Variants in GGT5 observed in about 807,000 individuals in gnomAD.
GGT5 encodes the protein gamma-glutamyltransferase 5.
GGT5 carries 50 observed loss-of-function variants against 58.1 expected under a neutral mutation model. The observed-to-expected ratio is 0.86, with a 90% CI of 0.69 to 1.09. GGT5 has a LOEUF of 1.09. GGT5 is among the 50% of genes least tolerant of loss of function. The pLI is 0.00. For synonymous variants in GGT5, 370 were observed against 346.1 expected (o/e 1.07, Z -0.77); for missense variants, 800 against 789.4 (o/e 1.01, Z -0.16).
Position 24,233,991 on chromosome 22 carries a change from G to C in GGT5, c.187C>G (p.Gln63Glu), listed in dbSNP as rs185414346. 1 of 1,610,548 alleles carries C rather than the reference G, an allele frequency of 6.2e-7. No homozygotes were observed. Among genetic ancestry groups the C allele is most frequent in the Admixed American group, 1.7e-5 (1 of 59,572 alleles). ...GTGGCATCCACGGGTGAGCCCTGCT[G>C]CTGGAGGATGGCTCTAGGGGACATG... is the stretch of plus-strand genomic sequence containing the variant. ...CSDIGRAILQ[Q>E]QGSPVDATIA... Residue 63 changes from glutamine to glutamate, a missense_variant, in exon 2 of 12, where the codon CAG (glutamine) becomes GAG (glutamate). Physicochemically the swap from Gln to Glu is conservative, Grantham distance 29. Coordinates refer to ENST00000327365, the MANE Select transcript of GGT5 (RefSeq NM_004121.5).
At position 24,226,255 on chromosome 22, in the gene GGT5, C is replaced by A; in HGVS notation, c.1050G>T (p.Arg350=). 3 of 1,600,634 alleles carry A rather than the reference C, an allele frequency of 1.9e-6. No individual in the cohort carries two copies. The South Asian group carries it at 3.3e-5, about 18-fold the overall frequency. Residue 350 remains arginine, a synonymous_variant, in exon 8 of 12, where the codon CGG becomes CGT. Coordinates refer to ENST00000327365, the MANE Select transcript of GGT5 (RefSeq NM_004121.5). Reference sequence around the variant, plus strand: ...GGGCCAGGGTCTCCCCCAGCAGGTCCCGGGAGGCATTCTGGGGTGGGTGGG... The same window carrying A: ...GGGCCAGGGTCTCCCCCAGCAGGTCACGGGAGGCATTCTGGGGTGGGTGGG... ...RSHPKLQNAS[R]DLLGETLAQL... is the part of the protein sequence containing the mutation.
chr22:24,231,455 T>TC lies in GGT5; in HGVS notation c.829dup (p.Asp277GlyfsTer37). The TC allele has an allele frequency of 6.4e-7, 1 of 1,569,116 alleles. No homozygotes were observed. The highest frequency in any genetic ancestry group is 8.6e-7 in the Non-Finnish European group (1 of 1,156,914). ...CGGCGGTGGTGAGTACAGGGTATAG[T>TC]CCCCCAGGGGCACCTCCAGGGCATC... On this transcript the variant is annotated frameshift_variant, in exon 6 of 12. Coordinates refer to ENST00000327365, the MANE Select transcript of GGT5 (RefSeq NM_004121.5). LOFTEE classifies it high-confidence loss of function.
chr22:24,234,824 GA>G (rs1196944650), intron 1 of GGT5, among the ~76,000 whole-genome samples: 2 of 149,210 alleles, frequency 1.3e-5, no homozygotes, highest in African/African-American at 2.5e-5. Flanking sequence ...CCTCAAAAAA[GA>G]AAAAAAAAGA....
chr22:24,225,341 G>A lies in GGT5; in HGVS notation c.1407C>T (p.Ser469=). Residue 469 remains serine, a synonymous_variant, in exon 10 of 12, where the codon TCC becomes TCT. Coordinates refer to ENST00000327365, the MANE Select transcript of GGT5 (RefSeq NM_004121.5). ...TGATCAAGATGGAGGGCACCATGGA[G>A]GATGGGGAACGCTCGCCTGGAACTG... ...WPPVPGERSP[S]SMVPSILINK... 8 of 1,613,796 alleles carry A rather than the reference G, an allele frequency of 5.0e-6. No individual in the cohort carries two copies. Among genetic ancestry groups the A allele is most frequent in the Non-Finnish European group, 6.8e-6 (8 of 1,179,838 alleles).
intron 1 of GGT5, among the ~76,000 whole-genome samples, chr22:24,239,637 C>T (rs2048276049): frequency 6.6e-6 from 1 of 151,994 alleles, no homozygotes. Flanking sequence ...ACACTCTCAA[C>T]ATAAATAAGA....
chr22:24,238,899 ATATATATT>A (rs2048232802), intron 1 of GGT5, among the ~76,000 whole-genome samples: 8 of 11,506 alleles, frequency 7.0e-4, no homozygotes, highest in African/African-American at 9.4e-4. Context: ...TTTTATATAT[ATATATATT>A]ATATATATTA....
chr22:24,225,398 C>A lies in GGT5; in HGVS notation c.1350G>T (p.Arg450Ser). Reference sequence around the variant, plus strand: ...AGCACCTTCCGGGAGCTCCACCCACCCTGTCTCCACTCACTGCTGAGCAAA... The same window carrying A: ...AGCACCTTCCGGGAGCTCCACCCACACTGTCTCCACTCACTGCTGAGCAAA... ...GTTPSPVSGD[R>S]VGGAPGRCWP... Residue 450 changes from arginine (R) to serine (S), a missense_variant, in exon 10 of 12, where the codon AGG becomes AGT. Physicochemically the swap from Arg to Ser is moderately radical, Grantham distance 110. Coordinates refer to ENST00000327365, the MANE Select transcript of GGT5 (RefSeq NM_004121.5). 1 of 1,606,234 alleles carries A rather than the reference C, an allele frequency of 6.2e-7. No individual in the cohort carries two copies. Among genetic ancestry groups the A allele is most frequent in the Non-Finnish European group, 8.5e-7 (1 of 1,175,416 alleles).
At chr22:24,235,116 ATGACACTATCTTGGCTCAT>A (rs1489164651) in intron 1 of GGT5, among the ~76,000 whole-genome samples, 1 of 145,726 alleles carries the variant, frequency 6.9e-6, no homozygotes, top group African/African-American at 2.6e-5. Context: ...CTGGAGTGCA[ATGACACTATCTTGGCTCAT>A]TGCAACCTCG....
At chr22:24,220,938 T>C (rs35519802) in intron 11 of GGT5, among the ~76,000 whole-genome samples, 7,145 of 151,724 alleles carry the variant, frequency 0.047, 226 homozygotes, top group South Asian at 0.088. Context: ...TAGTCCCAGC[T>C]ACTCAGGAGG....
intron 1 of GGT5, among the ~76,000 whole-genome samples, chr22:24,236,096 G>A (rs1421304287): frequency 3.3e-5 from 5 of 152,116 alleles, no homozygotes; most frequent in Non-Finnish European, 7.4e-5. Flanking sequence ...CCCTACACTC[G>A]AGACACTTAT....
intron 6 of GGT5, among the ~76,000 whole-genome samples, chr22:24,229,899 T>G (rs1486033126): frequency 6.7e-6 from 1 of 149,532 alleles, no homozygotes; most frequent in Non-Finnish European, 1.5e-5. Context: ...AACTTTTCCA[T>G]GCAACCGAAC....
Position 24,231,378 on chromosome 22 carries a change from C to G in GGT5, c.901+6G>C. Reference sequence around the variant, plus strand: ...TGGGCGCCAGGGCTCTGGGCAGGGGCTTTACCTCTTAGCACGTTGAGGATA... The same window carrying G: ...TGGGCGCCAGGGCTCTGGGCAGGGGGTTTACCTCTTAGCACGTTGAGGATA... On this transcript the variant is annotated splice_donor_region_variant and intron_variant, in intron 6 of 11. Coordinates refer to ENST00000327365, the MANE Select transcript of GGT5 (RefSeq NM_004121.5). 1 of 1,544,002 alleles carries G rather than the reference C, an allele frequency of 6.5e-7. No individual in the cohort carries two copies. The highest frequency in any genetic ancestry group is 8.7e-7 in the Non-Finnish European group (1 of 1,143,440).
intron 1 of GGT5, chr22:24,242,797 C>T (rs1438264140): frequency 6.6e-6 from 1 of 152,038 alleles, no homozygotes; most frequent in Non-Finnish European, 1.5e-5. Context: ...TCCTGAGGCC[C>T]CCCAGCCAGT....
At chr22:24,244,328 T>TACAC (rs2048410697) in intron 1 of GGT5, 1 of 512,792 alleles carries the variant, frequency 2.0e-6, no homozygotes, top group South Asian at 2.3e-5. Flanking sequence ...CACCCACACA[T>TACAC]ACACATACCC....
intron 11 of GGT5, among the ~76,000 whole-genome samples, chr22:24,223,309 G>A (rs1382795888): frequency 1.3e-5 from 2 of 152,106 alleles, no homozygotes; most frequent in Non-Finnish European, 1.5e-5. Context: ...GCTGAGGCAG[G>A]AGAATTGCTT....
In GGT5 at chr22:24,231,903, G is replaced by A. The variant is rs528261674; in HGVS notation, c.754+148C>T. The A allele has an allele frequency of 6.5e-5, 44 of 675,724 alleles. No homozygotes were observed. In the East Asian group the frequency reaches 8.7e-4, roughly 13 times the overall value. 41.9% of individuals were successfully genotyped at this position (675,724 alleles called of 1,614,324 possible). A position where few individuals can be genotyped will look rare whatever the true frequency, so the allele number is the denominator to read the frequency against. On this transcript the variant is annotated intron_variant, in intron 5 of 11. Transcript: ENST00000327365. Reference sequence around the variant, plus strand: ...CCTGGACCACAGGGGTCCTTGGGCCGGCAGAGCTAGGTGCATGGCCTCTCG... The same window carrying A: ...CCTGGACCACAGGGGTCCTTGGGCCAGCAGAGCTAGGTGCATGGCCTCTCG...
intron 3 of GGT5, 102 bp downstream of exon 3, chr22:24,233,396 G>T: frequency 1.5e-6 from 1 of 669,492 alleles, no homozygotes; most frequent in Non-Finnish European, 2.5e-6. Flanking sequence ...CCCGTGCCAG[G>T]GAGTCACAGC....
At chr22:24,227,411 T>A (rs1047339082) in intron 6 of GGT5, among the ~76,000 whole-genome samples, 19 of 152,132 alleles carry the variant, frequency 1.2e-4, no homozygotes, top group Admixed American at 1.0e-3. Context: ...CATGCCCGGC[T>A]AATTTTTGTA....
intron 1 of GGT5, among the ~76,000 whole-genome samples, chr22:24,238,897 ATATATATATTATATATAT>A (rs1185827024): frequency 3.2e-4 from 4 of 12,518 alleles, no homozygotes; most frequent in African/African-American, 1.1e-3. Flanking sequence ...TATTTTATAT[ATATATATATTATATATAT>A]TATATATATA....
Sources: gnomAD v4.1 joint callset for allele counts (sites outside exome capture counted in the v4.1 genomes callset) on GRCh38, gnomAD v4.1.1 for gene constraint, MANE v1.5 for transcripts, NCBI Gene and HGNC (gene_info 2026-07-23, HGNC 2026-07-21) for gene names.